The following HDAC9 variants were observed in gnomAD, a reference collection of about 807,000 sequenced individuals.
HDAC9 encodes histone deacetylase 9.
Under a neutral mutation model 139.4 loss-of-function variants are expected in HDAC9, and 41 were observed. The observed-to-expected ratio is 0.29, with a 90% CI of 0.23 to 0.38. The LOEUF (loss-of-function observed/expected upper bound fraction) is 0.38, where lower values mean the gene tolerates loss of function less well. Ranked by LOEUF, HDAC9 falls within the 10% of genes least tolerant of loss-of-function variation. HDAC9 has a pLI of 1.00. For missense variants in HDAC9, 1,147 were observed against 1,297.0 expected (o/e 0.88, Z 1.78); for synonymous variants, 517 against 476.2 (o/e 1.09, Z -1.12).
intron 1 of HDAC9, among the ~76,000 whole-genome samples, chr7:18,432,437 T>C (rs1790764040): frequency 6.6e-6 from 1 of 152,240 alleles, no homozygotes; most frequent in Non-Finnish European, 1.5e-5. Flanking sequence ...TCAACAAATG[T>C]TGAATTAATG....
chr7:18,376,482 A>C (rs2128707947), intron 1 of HDAC9, among the ~76,000 whole-genome samples: 1 of 152,276 alleles, frequency 6.6e-6, no homozygotes, highest in Non-Finnish European at 1.5e-5. Context: ...GACTTCTGGC[A>C]CTCTAAGTTG....
intron 1 of HDAC9, among the ~76,000 whole-genome samples, chr7:18,097,666 C>T (rs888288440): frequency 6.6e-6 from 1 of 152,112 alleles, no homozygotes; most frequent in South Asian, 2.1e-4. Context: ...CTCCTGGGCT[C>T]AGCTGATCCT....
At chr7:18,372,855 G>A (rs1449401349) in intron 1 of HDAC9, among the ~76,000 whole-genome samples, 1 of 152,142 alleles carries the variant, frequency 6.6e-6, no homozygotes, top group Non-Finnish European at 1.5e-5. Context: ...ATTTGGTACA[G>A]GCAAACAGAG....
rs1786701543 is a variant in HDAC9, at chr7:19,000,560, A to T, written c.*4498A>T. On this transcript the variant is annotated 3_prime_UTR_variant, in exon 26 of 26. Transcript: ENST00000686413. ...TCCTGGCTTCGTATAATGGTTTTGT[A>T]AAATACATTAAATACAATTAAGTCC... 1 of 152,242 alleles carries T rather than the reference A, an allele frequency of 6.6e-6. No homozygotes were observed. The allele number at this position is 152,242 out of a possible 1,614,324, so 9.4% of individuals were successfully genotyped here. A position where few individuals can be genotyped will look rare whatever the true frequency, so the allele number is the denominator to read the frequency against.
intron 6 of HDAC9, among the ~76,000 whole-genome samples, chr7:18,627,474 G>T (rs1842013582): frequency 6.6e-6 from 1 of 152,178 alleles, no homozygotes; most frequent in African/African-American, 2.4e-5. Flanking sequence ...CTTTTTGGAG[G>T]CAAGATCAAT....
intron 22 of HDAC9, among the ~76,000 whole-genome samples, chr7:18,918,764 G>A (rs951054211): frequency 6.6e-6 from 1 of 152,040 alleles, no homozygotes; most frequent in Non-Finnish European, 1.5e-5. Flanking sequence ...TAGCTGAAAT[G>A]ATGAAGTATC....
chr7:18,167,305 A>C (rs541666424), intron 2 of HDAC9, among the ~76,000 whole-genome samples: 2 of 152,264 alleles, frequency 1.3e-5, no homozygotes, highest in South Asian at 4.1e-4. Flanking sequence ...AAACCAAATG[A>C]AGCATTTTAT....
chr7:18,550,064 T>C (rs1214161930), intron 2 of HDAC9, among the ~76,000 whole-genome samples: 1 of 152,142 alleles, frequency 6.6e-6, no homozygotes, highest in East Asian at 1.9e-4. Context: ...AGTTATTTAA[T>C]TTTCCTGTCA....
chr7:18,792,533 T>C (rs1016663392), intron 16 of HDAC9, among the ~76,000 whole-genome samples: 6 of 152,180 alleles, frequency 3.9e-5, no homozygotes, highest in Non-Finnish European at 8.8e-5. Flanking sequence ...TTTCATTGCA[T>C]TCATGAAAAA....
intron 2 of HDAC9, among the ~76,000 whole-genome samples, chr7:18,258,526 C>A (rs1300152161): frequency 2.0e-5 from 3 of 152,202 alleles, no homozygotes; most frequent in African/African-American, 7.2e-5. Context: ...TTAGCAGGGG[C>A]AATTTAGTTG....
At chr7:18,637,304 A>G (rs887252005) in intron 8 of HDAC9, among the ~76,000 whole-genome samples, 9 of 152,100 alleles carry the variant, frequency 5.9e-5, no homozygotes, top group Non-Finnish European at 1.3e-4. Context: ...GTATGTGCAT[A>G]TAGTATTTAG....
At chr7:18,487,370 T>A (rs964917197) in intron 1 of HDAC9, among the ~76,000 whole-genome samples, 2 of 151,680 alleles carry the variant, frequency 1.3e-5, no homozygotes, top group Admixed American at 6.6e-5. Context: ...AAATGAAAAA[T>A]TTGGGTAATA....
intron 22 of HDAC9, among the ~76,000 whole-genome samples, chr7:18,900,766 G>T (rs1045964784): frequency 5.3e-5 from 8 of 152,094 alleles, no homozygotes; most frequent in African/African-American, 1.7e-4. Flanking sequence ...CTGGGTTACA[G>T]ACTGGTGACA....
At chr7:18,768,608 A>C (rs549376499) in intron 16 of HDAC9, among the ~76,000 whole-genome samples, 3 of 152,184 alleles carry the variant, frequency 2.0e-5, no homozygotes, top group Admixed American at 1.3e-4. Context: ...ATTTTCTAAC[A>C]TCTCAAATGG....
intron 6 of HDAC9, among the ~76,000 whole-genome samples, chr7:18,596,060 A>G (rs1219875666): frequency 1.3e-5 from 2 of 152,076 alleles, no homozygotes; most frequent in African/African-American, 4.8e-5. Flanking sequence ...CTATATAATA[A>G]TAGTGAAAAA....
chr7:18,350,571 G>A (rs1782774308), intron 1 of HDAC9, among the ~76,000 whole-genome samples: 1 of 152,084 alleles, frequency 6.6e-6, no homozygotes, highest in African/African-American at 2.4e-5. Context: ...TGTGTAAGAT[G>A]CAAATCACTT....
At chr7:18,124,262 T>C (rs1784527431) in intron 1 of HDAC9, among the ~76,000 whole-genome samples, 1 of 152,214 alleles carries the variant, frequency 6.6e-6, no homozygotes, top group South Asian at 2.1e-4. Context: ...GTTATCTATG[T>C]CTTTTACGGT....
intron 16 of HDAC9, among the ~76,000 whole-genome samples, chr7:18,791,083 A>G (rs1792263408): frequency 6.6e-6 from 1 of 152,204 alleles, no homozygotes. Flanking sequence ...TGGCTACCTA[A>G]TGCCCTTTAG....
At chr7:18,662,915 G>C (rs140863590) in intron 11 of HDAC9, among the ~76,000 whole-genome samples, 113 of 152,136 alleles carry the variant, frequency 7.4e-4, no homozygotes, top group Non-Finnish European at 1.2e-3. Context: ...AGCTGCTTGG[G>C]TTTGGCAGAG....
Sources: gnomAD v4.1 joint callset for allele counts (sites outside exome capture counted in the v4.1 genomes callset) on GRCh38, gnomAD v4.1.1 for gene constraint, MANE v1.5 for transcripts, NCBI Gene and HGNC (gene_info 2026-07-23, HGNC 2026-07-21) for gene names.